TMEM181: variants seen among roughly 807,000 people sequenced by gnomAD.
TMEM181 encodes the protein transmembrane protein 181.
Under a neutral mutation model 71.9 loss-of-function variants are expected in TMEM181, and 39 were observed. The observed-to-expected ratio is 0.54, with a 90% CI of 0.42 to 0.71. The LOEUF is 0.71. Among genes scored for constraint, TMEM181 ranks in the 30% least tolerant of loss-of-function variants. TMEM181 has a pLI of 0.00. For missense variants in TMEM181, 595 were observed against 583.0 expected (o/e 1.02, Z -0.21); for synonymous variants, 245 against 228.8 (o/e 1.07, Z -0.64).
intron 6 of TMEM181, among the ~76,000 whole-genome samples, chr6:158,595,393 G>C (rs1784334551): frequency 6.6e-6 from 1 of 152,226 alleles, no homozygotes; most frequent in African/African-American, 2.4e-5. Context: ...AGCTGGCAAG[G>C]ATGTGGGGCA....
chr6:158,634,361 G>C lies in TMEM181; in HGVS notation c.*2473G>C, dbSNP rs975892328. On this transcript the variant is annotated 3_prime_UTR_variant, in exon 17 of 17. Coordinates refer to ENST00000684151, the MANE Select transcript of TMEM181 (RefSeq NM_001376852.1). The stretch of plus-strand genomic sequence containing the variant: ...AGTCTGCCAGAAACTTTTGACAGTA[G>C]CAAGAAAATTGTTGAAGAAAAAATA... 2.0e-5 allele frequency: 3 copies of C among 152,186 alleles called. No homozygotes were observed. The highest frequency in any genetic ancestry group is 2.9e-5 in the Non-Finnish European group (2 of 68,036). 9.4% of individuals were successfully genotyped at this position (152,186 alleles called of 1,614,324 possible).
At chr6:158,619,986 A>G (rs774348400) in intron 10 of TMEM181, among the ~76,000 whole-genome samples, 7 of 152,106 alleles carry the variant, frequency 4.6e-5, no homozygotes, top group Non-Finnish European at 7.3e-5. Flanking sequence ...TGGTGATAAA[A>G]TTGTCAAGGT....
chr6:158,616,074 C>T (rs1216020653), intron 10 of TMEM181, among the ~76,000 whole-genome samples: 3 of 152,168 alleles, frequency 2.0e-5, no homozygotes, highest in African/African-American at 4.8e-5. Context: ...TTACCTTGGG[C>T]AGTATGGCCA....
chr6:158,635,353 T>G lies in TMEM181; in HGVS notation c.*3465T>G, dbSNP rs1344045339. 2 of 152,276 alleles carry G rather than the reference T, an allele frequency of 1.3e-5. No homozygotes were observed. Among genetic ancestry groups the G allele is most frequent in the African/African-American group, 4.8e-5 (2 of 41,480 alleles). The allele number at this position is 152,276 out of a possible 1,614,324, so 9.4% of individuals were successfully genotyped here. ...TCAGGCAAAAGTGAATGTTTGTTTATGGCAAATTCGTCTTTTGCGAATGGC... is the reference window on the plus strand; with the variant it reads ...TCAGGCAAAAGTGAATGTTTGTTTAGGGCAAATTCGTCTTTTGCGAATGGC... On this transcript the variant is annotated 3_prime_UTR_variant, in exon 17 of 17. Transcript: ENST00000684151.
intron 10 of TMEM181, among the ~76,000 whole-genome samples, chr6:158,622,382 C>T (rs989183007): frequency 6.6e-6 from 1 of 152,066 alleles, no homozygotes; most frequent in Admixed American, 6.6e-5. Flanking sequence ...TAGGGCTAGG[C>T]TGCTCCTGAG....
chr6:158,571,866 G>A (rs1475883567), intron 1 of TMEM181, among the ~76,000 whole-genome samples: 1 of 152,214 alleles, frequency 6.6e-6, no homozygotes, highest in Non-Finnish European at 1.5e-5. Flanking sequence ...CCTGTGAATT[G>A]AAGGTGTTGA....
rs1196722504 is a variant in TMEM181 at position 158,620,936 on chromosome 6, G to A, written c.897-2614G>A. Among the ~76,000 whole-genome samples the A allele has an allele frequency of 1.3e-5, 2 of 152,230 alleles. No homozygotes were observed. Among genetic ancestry groups the A allele is most frequent in the East Asian group, 3.8e-4 (2 of 5,206 alleles). On this transcript the variant is annotated intron_variant, in intron 10 of 16. Coordinates refer to ENST00000684151, the MANE Select transcript of TMEM181 (RefSeq NM_001376852.1). This position sits in a 1 kb window ranked among gnomAD's most constrained non-coding sequence, Gnocchi z 4.5. ...GGCCTTCTGGCCAAGTTAGGTCAGA[G>A]GCACTCTCTTACGGGCTAAGAGTAT...
chr6:158,612,284 G>A (rs923036564), intron 10 of TMEM181, among the ~76,000 whole-genome samples: 3 of 152,204 alleles, frequency 2.0e-5, no homozygotes, highest in African/African-American at 4.8e-5. Context: ...CCAAGATGAC[G>A]GTGCTCCTGC....
At chr6:158,615,494 T>A (rs1785563784) in intron 10 of TMEM181, among the ~76,000 whole-genome samples, 1 of 152,242 alleles carries the variant, frequency 6.6e-6, no homozygotes, top group Non-Finnish European at 1.5e-5. Context: ...TTTAATTAGA[T>A]CCCATATGTC....
intron 1 of TMEM181, among the ~76,000 whole-genome samples, chr6:158,546,398 C>G (rs1781527935): frequency 6.6e-6 from 1 of 152,188 alleles, no homozygotes; most frequent in Admixed American, 6.5e-5. Context: ...CCATTGGTTG[C>G]AAGTATTAGT....
chr6:158,537,608 G>C (rs1279160176), intron 1 of TMEM181, among the ~76,000 whole-genome samples: 1 of 152,220 alleles, frequency 6.6e-6, no homozygotes, highest in Non-Finnish European at 1.5e-5. Context: ...TTTACCCAAA[G>C]GCTTGGCGGT....
At chr6:158,579,453 G>A (rs1291314077) in intron 2 of TMEM181, among the ~76,000 whole-genome samples, 1 of 151,964 alleles carries the variant, frequency 6.6e-6, no homozygotes, top group East Asian at 1.9e-4. Context: ...CGGGCGCAGT[G>A]GCTCACGCCT....
chr6:158,601,983 A>G (rs1272580306), intron 6 of TMEM181, among the ~76,000 whole-genome samples: 1 of 152,164 alleles, frequency 6.6e-6, no homozygotes, highest in African/African-American at 2.4e-5. Context: ...TTATTGAGGT[A>G]TAGTTGACAC....
intron 3 of TMEM181, among the ~76,000 whole-genome samples, chr6:158,581,452 T>TA (rs1488974487): frequency 2.0e-5 from 3 of 152,122 alleles, no homozygotes; most frequent in African/African-American, 7.2e-5. Context: ...AAAAATCCTT[T>TA]AAAAAATACA....
intron 1 of TMEM181, among the ~76,000 whole-genome samples, chr6:158,547,465 T>C (rs1440186137): frequency 6.6e-6 from 1 of 152,184 alleles, no homozygotes; most frequent in African/African-American, 2.4e-5. Context: ...TCATCTGTCC[T>C]GGGGCTCCCA....
At chr6:158,577,756 G>A (rs1344391968) in intron 2 of TMEM181, among the ~76,000 whole-genome samples, 1 of 152,172 alleles carries the variant, frequency 6.6e-6, no homozygotes, top group East Asian at 1.9e-4. Flanking sequence ...CAGAAACTTT[G>A]GAGACCAGAA....
Position 158,573,672 on chromosome 6 carries a change from G to A in TMEM181, c.112+149G>A, listed in dbSNP as rs549963273. ...TGTCCACAGGGTGGATGGGGTCCCA[G>A]CCCTGCGCTTCTAGCTGCTCTGTCT... On this transcript the variant is annotated intron_variant, in intron 2 of 16. Transcript: ENST00000684151. 12 of 677,902 alleles carry A rather than the reference G, an allele frequency of 1.8e-5. No individual in the cohort carries two copies. In the South Asian group the frequency reaches 2.0e-4, roughly 12 times the overall value. The allele number at this position is 677,902 out of a possible 1,614,324, so 42.0% of individuals were successfully genotyped here. A position where few individuals can be genotyped will look rare whatever the true frequency, so the allele number is the denominator to read the frequency against.
At chr6:158,599,646 G>A (rs1007161960) in intron 6 of TMEM181, among the ~76,000 whole-genome samples, 5 of 152,246 alleles carry the variant, frequency 3.3e-5, no homozygotes, top group African/African-American at 9.6e-5. Flanking sequence ...CCACGGGACG[G>A]AACGACCTCT....
intron 1 of TMEM181, among the ~76,000 whole-genome samples, chr6:158,551,726 C>T (rs999662542): frequency 2.6e-5 from 4 of 151,944 alleles, no homozygotes; most frequent in African/African-American, 7.3e-5. Flanking sequence ...TAACATAACA[C>T]GTAAAATATG....
Sources: allele counts gnomAD v4.1 joint callset (sites outside exome capture counted in the v4.1 genomes callset), GRCh38; gene constraint gnomAD v4.1.1; non-coding constraint Gnocchi (gnomAD v3.1); transcripts MANE v1.5; gene names NCBI Gene and HGNC (gene_info 2026-07-23, HGNC 2026-07-21).